Variants in TCAIM observed in about 807,000 individuals in gnomAD.
TCAIM encodes the protein T-cell activation inhibitor, mitochondrial.
In TCAIM, 36 loss-of-function variants were observed where a neutral mutation model predicts 58.6. The ratio of observed to expected loss-of-function variants is 0.61; its 90% CI spans 0.47 to 0.81. TCAIM has a LOEUF of 0.81. Among genes scored for constraint, TCAIM ranks in the 30% least tolerant of loss-of-function variants. TCAIM has a pLI of 0.00. For synonymous variants in TCAIM, 172 were observed against 193.6 expected, an observed-to-expected ratio of 0.89 and a Z score of 0.93; for missense variants, 466 against 579.6, an observed-to-expected ratio of 0.80 and a Z score of 2.01.
At position 44,367,520 on chromosome 3, in the gene TCAIM, C is replaced by T. The variant is rs746328090; in HGVS notation, c.384C>T (p.Leu128=). The T allele has an allele frequency of 1.2e-6, 2 of 1,614,118 alleles. No individual in the cohort carries two copies. Among genetic ancestry groups the T allele is most frequent in the South Asian group, 1.1e-5 (1 of 91,086 alleles). ...RDLLSTVLYI[L]NSCSLSVEHI... ...TGCTAAGCACAGTGTTATATATTCT[C>T]AACTCCTGCAGTTTATCTGTTGAAC... The change falls in exon 5 of 11, where the codon CTC becomes CTT. Residue 128 remains leucine (L), a synonymous_variant. Coordinates refer to ENST00000342649, the MANE Select transcript of TCAIM (RefSeq NM_173826.4).
In TCAIM at chr3:44,407,671, G is replaced by A. The variant is rs114213125; in HGVS notation, c.1480G>A (p.Ala494Thr). 4 of 1,590,960 alleles carry A rather than the reference G, an allele frequency of 2.5e-6. No homozygotes were observed. In the South Asian group the frequency reaches 3.5e-5, roughly 14 times the overall value. The change falls in exon 11 of 11, where the codon GCC becomes ACC. Residue 494 changes from alanine (A) to threonine (T), a missense_variant. Physicochemically the swap from Ala to Thr is moderately conservative, Grantham distance 58. Transcript: ENST00000342649. ...TCCTTGGAATTGGAAGAATGGAGAA[G>A]CCATTAAGTAACACAGAAATCTGTT... ...CIPWNWKNGEAIK is the reference protein window; with the variant it reads ...CIPWNWKNGETIK
intron 4 of TCAIM, among the ~76,000 whole-genome samples, chr3:44,365,755 G>A (rs551205485): frequency 3.9e-5 from 6 of 152,338 alleles, no homozygotes; most frequent in Admixed American, 1.3e-4. Context: ...CCCTAGCCCC[G>A]CGTGCTTATT....
At chr3:44,352,260 G>T (rs763511612) in intron 1 of TCAIM, among the ~76,000 whole-genome samples, 2 of 151,956 alleles carry the variant, frequency 1.3e-5, no homozygotes, top group Non-Finnish European at 2.9e-5. Context: ...GGGGAGAAAA[G>T]AATTTTTTAT....
chr3:44,397,709 A>C (rs1701956366), intron 8 of TCAIM, among the ~76,000 whole-genome samples: 1 of 152,188 alleles, frequency 6.6e-6, no homozygotes, highest in East Asian at 1.9e-4. Context: ...CCAACACTTA[A>C]CTATGGTCAT....
At chr3:44,371,531 C>T (rs1701469607) in intron 5 of TCAIM, among the ~76,000 whole-genome samples, 1 of 152,160 alleles carries the variant, frequency 6.6e-6, no homozygotes, top group African/African-American at 2.4e-5. Context: ...GAATACTGCT[C>T]ATTGGGCTGT....
chr3:44,396,463 A>G lies in TCAIM; in HGVS notation c.759A>G (p.Ala253=). The G allele has an allele frequency of 1.2e-6, 2 of 1,613,724 alleles. No individual in the cohort carries two copies. The highest frequency in any genetic ancestry group is 1.1e-5 in the South Asian group (1 of 90,990). Residue 253 remains alanine (A), a synonymous_variant, in exon 7 of 11, where the codon GCA becomes GCG. Transcript: ENST00000342649. ...AGCTGCATAGTTTAAGCCGCTTAGC[A>G]CAGCAGAATTTGGAAACACTTAAAA... ...CSQLHSLSRL[A]QQNLETLKKA...
intron 5 of TCAIM, among the ~76,000 whole-genome samples, chr3:44,386,981 T>C (rs1279636330): frequency 6.6e-6 from 1 of 152,194 alleles, no homozygotes; most frequent in African/African-American, 2.4e-5. Context: ...GAGTGAAGAC[T>C]TCACTGATGA....
intron 6 of TCAIM, among the ~76,000 whole-genome samples, chr3:44,393,758 AAAT>A (rs1037085381): frequency 3.3e-5 from 5 of 152,118 alleles, no homozygotes; most frequent in East Asian, 1.9e-4. Flanking sequence ...CCTCATCTCT[AAAT>A]AATAATAATA....
At chr3:44,349,868 A>G (rs1451073005) in intron 1 of TCAIM, among the ~76,000 whole-genome samples, 1 of 152,198 alleles carries the variant, frequency 6.6e-6, no homozygotes, top group Admixed American at 6.5e-5. Flanking sequence ...GAGAGTAGAA[A>G]GAGGCCGCTT....
chr3:44,404,303 C>G (rs1702067011), intron 10 of TCAIM, among the ~76,000 whole-genome samples: 1 of 152,148 alleles, frequency 6.6e-6, no homozygotes, highest in South Asian at 2.1e-4. Flanking sequence ...AATGTATTCT[C>G]TCTCTCTCCT....
Position 44,392,996 on chromosome 3 carries a change from C to T in TCAIM, c.695+19C>T. 6.3e-7 allele frequency: 1 copy of T among 1,588,334 alleles called. No homozygotes were observed. On this transcript the variant is annotated intron_variant, in intron 6 of 10. Coordinates refer to ENST00000342649, the MANE Select transcript of TCAIM (RefSeq NM_173826.4). ...ATATCAGGTAAGAAAGAAGAGAGAACCTAATTTAGAAATTGAAATGAATAT... is the reference window on the plus strand; with the variant it reads ...ATATCAGGTAAGAAAGAAGAGAGAATCTAATTTAGAAATTGAAATGAATAT...
intron 8 of TCAIM, 152 bp from the exon 9 acceptor site, chr3:44,400,203 A>T: frequency 1.6e-6 from 1 of 608,672 alleles, no homozygotes; most frequent in Non-Finnish European, 2.8e-6. Context: ...TTCCAGCATT[A>T]CATTAAGTTT....
At position 44,371,388 on chromosome 3, in the gene TCAIM, T is replaced by C. The variant is rs1000422052; in HGVS notation, c.572+3680T>C. ...ATATTTCTTAAGCATTGACATCTTATTGATTTACCTGAACCAGATCATCAC... is the reference window on the plus strand; with the variant it reads ...ATATTTCTTAAGCATTGACATCTTACTGATTTACCTGAACCAGATCATCAC... On this transcript the variant is annotated intron_variant, in intron 5 of 10. Transcript: ENST00000342649. Among the ~76,000 whole-genome samples, 3 of 152,258 alleles carry C rather than the reference T, an allele frequency of 2.0e-5. 1 individual carries two copies. Among genetic ancestry groups the C allele is most frequent in the African/African-American group, 7.2e-5 (3 of 41,566 alleles).
At chr3:44,376,454 A>G (rs1212758222) in intron 5 of TCAIM, among the ~76,000 whole-genome samples, 1 of 152,202 alleles carries the variant, frequency 6.6e-6, no homozygotes, top group Non-Finnish European at 1.5e-5. Flanking sequence ...CTAGTAAAGG[A>G]GCAGAGTTTT....
chr3:44,357,796 G>A lies in TCAIM; in HGVS notation c.85G>A (p.Gly29Arg), dbSNP rs1701224613. The change falls in exon 3 of 11, where the codon GGA (glycine) becomes AGA (arginine). Residue 29 changes from glycine (G) to arginine (R), a missense_variant. Physicochemically the swap from Gly to Arg is moderately radical, Grantham distance 125 (BLOSUM62 -2). Transcript: ENST00000342649. ...GTTTCCCTTTTCAAGAGCTTTATCG[G>A]GAGCTGAAGCAGTCAATGCCTTGAG... ...HWFPFSRALS[G>R]AEAVNALRPF... 1.9e-6 allele frequency: 3 copies of A among 1,613,954 alleles called. No individual in the cohort carries two copies. In the South Asian group the frequency reaches 3.3e-5, roughly 18 times the overall value.
At chr3:44,401,020 T>C in intron 9 of TCAIM, 183 bp from the exon 10 acceptor site, 3 of 816,816 alleles carry the variant, frequency 3.7e-6, no homozygotes, top group Non-Finnish European at 5.4e-6. Flanking sequence ...TGCAAGTAGG[T>C]CGTGATCTTC....
Position 44,400,448 on chromosome 3 carries a change from G to A in TCAIM, c.979G>A (p.Val327Ile), listed in dbSNP as rs1702004036. The change falls in exon 9 of 11, where the codon GTT becomes ATT. Residue 327 changes from valine (V) to isoleucine (I), a missense_variant. Physicochemically the swap from Val to Ile is conservative, Grantham distance 29. Transcript: ENST00000342649. ...CTATCTTTTAGGTGGCATACAAGTT[G>A]TTTATATTGAAGAATTACAGCCAGT... ...ISYLLGGIQV[V>I]YIEELQPVLT... 3 of 1,613,686 alleles carry A rather than the reference G, an allele frequency of 1.9e-6. No homozygotes were observed. In the South Asian group the frequency reaches 3.3e-5, roughly 18 times the overall value.
At chr3:44,367,868 T>A in intron 5 of TCAIM, 160 bp downstream of exon 5, 1 of 586,740 alleles carries the variant, frequency 1.7e-6, no homozygotes, top group Non-Finnish European at 2.7e-6. Context: ...TCAGTCTAGT[T>A]AATCCAGTAA....
chr3:44,402,467 T>C (rs182669837), intron 10 of TCAIM, among the ~76,000 whole-genome samples: 3 of 152,320 alleles, frequency 2.0e-5, no homozygotes, highest in Admixed American at 6.5e-5. Context: ...GTTGTTTGTA[T>C]CTTTGAAGGA....
Sources: allele counts gnomAD v4.1 joint callset (sites outside exome capture counted in the v4.1 genomes callset), GRCh38; gene constraint gnomAD v4.1.1; transcripts MANE v1.5; gene names NCBI Gene and HGNC (gene_info 2026-07-23, HGNC 2026-07-21).